CDH12: variants seen among roughly 807,000 people sequenced by gnomAD.
CDH12 encodes the protein cadherin 12.
In CDH12, 41 loss-of-function variants were observed where a neutral mutation model predicts 74.1. The observed-to-expected ratio is 0.55, with a 90% confidence interval of 0.43 to 0.72. The LOEUF is 0.72. CDH12 is among the 30% of genes least tolerant of loss of function. CDH12 has a pLI of 0.00. For synonymous variants in CDH12, 399 were observed against 355.0 expected, an observed-to-expected ratio of 1.12 and a Z score of -1.39; for missense variants, 945 against 977.2, an observed-to-expected ratio of 0.97 and a Z score of 0.44.
chr5:21,951,194 G>A (rs1755843723), intron 6 of CDH12, among the ~76,000 whole-genome samples: 1 of 152,074 alleles, frequency 6.6e-6, no homozygotes, highest in Admixed American at 6.5e-5. Flanking sequence ...GATTAAGCAA[G>A]TATCATTAGA....
chr5:22,426,104 T>G (rs972340040), intron 2 of CDH12, among the ~76,000 whole-genome samples: 3 of 151,406 alleles, frequency 2.0e-5, no homozygotes, highest in Non-Finnish European at 4.4e-5. Context: ...GGAGAATTGC[T>G]TGAACCTGGG....
chr5:22,684,605 C>T (rs768319784), intron 1 of CDH12, among the ~76,000 whole-genome samples: 1 of 152,150 alleles, frequency 6.6e-6, no homozygotes, highest in Non-Finnish European at 1.5e-5. Flanking sequence ...GGTTTTCAAA[C>T]GCGTAGGAGA....
At chr5:22,484,663 CACCG>C (rs1247048564) in intron 2 of CDH12, among the ~76,000 whole-genome samples, 4 of 152,222 alleles carry the variant, frequency 2.6e-5, no homozygotes, top group African/African-American at 7.2e-5. Flanking sequence ...GAGATGCCAG[CACCG>C]ACAAAGTATA....
intron 1 of CDH12, among the ~76,000 whole-genome samples, chr5:22,728,339 A>G (rs1217458649): frequency 1.3e-5 from 2 of 151,830 alleles, no homozygotes; most frequent in Non-Finnish European, 2.9e-5. Context: ...TGAGGTAGTT[A>G]TTTTAAATTC....
chr5:22,360,793 C>A (rs1454557226), intron 3 of CDH12, among the ~76,000 whole-genome samples: 4 of 152,070 alleles, frequency 2.6e-5, no homozygotes, highest in African/African-American at 9.7e-5. Flanking sequence ...AATCAATAAA[C>A]GTAATCCAGC....
chr5:22,596,662 A>G (rs1276643585), intron 1 of CDH12, among the ~76,000 whole-genome samples: 1 of 152,110 alleles, frequency 6.6e-6, no homozygotes, highest in Non-Finnish European at 1.5e-5. Context: ...ACTTTTTCTT[A>G]TTTAATATTT....
chr5:22,404,298 T>C (rs908398598), intron 3 of CDH12, among the ~76,000 whole-genome samples: 2 of 152,158 alleles, frequency 1.3e-5, no homozygotes, highest in African/African-American at 4.8e-5. Context: ...AAAGTTTTGC[T>C]TAGAATAAAA....
chr5:22,845,357 C>T (rs1223905562), intron 1 of CDH12, among the ~76,000 whole-genome samples: 1 of 151,896 alleles, frequency 6.6e-6, no homozygotes, highest in African/African-American at 2.4e-5. Flanking sequence ...TGTCTCACAC[C>T]CCTCCCTCAA....
At chr5:22,391,113 G>C (rs976688848) in intron 3 of CDH12, among the ~76,000 whole-genome samples, 2 of 152,132 alleles carry the variant, frequency 1.3e-5, no homozygotes, top group South Asian at 2.1e-4. Context: ...GTGGTGCTGG[G>C]AACAGAGCAC....
At chr5:21,890,392 T>G (rs531226701) in intron 6 of CDH12, among the ~76,000 whole-genome samples, 1 of 151,928 alleles carries the variant, frequency 6.6e-6, no homozygotes, top group Admixed American at 6.6e-5. Flanking sequence ...ATAAGAAGAG[T>G]AAAAAGAACC....
chr5:22,235,473 C>T (rs1752529280), intron 3 of CDH12, among the ~76,000 whole-genome samples: 1 of 151,462 alleles, frequency 6.6e-6, no homozygotes, highest in Non-Finnish European at 1.5e-5. Context: ...CCCAGATATT[C>T]GGGAGGCTGA....
chr5:22,037,522 C>T (rs1239624918), intron 5 of CDH12, among the ~76,000 whole-genome samples: 1 of 152,142 alleles, frequency 6.6e-6, no homozygotes, highest in Middle Eastern at 3.2e-3. Flanking sequence ...GTGCTGACAA[C>T]ACCTTGATTT....
At chr5:22,820,971 T>C (rs1749669025) in intron 1 of CDH12, among the ~76,000 whole-genome samples, 1 of 152,082 alleles carries the variant, frequency 6.6e-6, no homozygotes, top group South Asian at 2.1e-4. Flanking sequence ...TGAACATTGA[T>C]ACAAAAATCC....
chr5:22,748,381 T>C (rs774333487), intron 1 of CDH12, among the ~76,000 whole-genome samples: 23 of 151,354 alleles, frequency 1.5e-4, no homozygotes, highest in Non-Finnish European at 2.8e-4. Flanking sequence ...TAGATAATAC[T>C]GGCAGCACAG....
intron 1 of CDH12, chr5:22,638,569 C>G (rs1315510028): frequency 6.6e-6 from 1 of 152,304 alleles, no homozygotes; most frequent in Non-Finnish European, 1.5e-5. Context: ...TCCACTGACT[C>G]CAATGTTAAT....
intron 5 of CDH12, among the ~76,000 whole-genome samples, chr5:22,004,766 T>C (rs1354147489): frequency 1.3e-5 from 2 of 152,184 alleles, no homozygotes. Context: ...GTAAACATTG[T>C]ACCCAATAGG....
rs182882577 is a variant in CDH12, at chr5:22,446,516, G to A, written c.-427-41165C>T. Among the ~76,000 whole-genome samples, 740 of 152,080 alleles carry A rather than the reference G, an allele frequency of 4.9e-3. 5 individuals carry two copies. The highest frequency in any genetic ancestry group is 0.017 in the African/African-American group (712 of 41,486). On this transcript the variant is annotated intron_variant, in intron 2 of 14. Coordinates refer to ENST00000382254, the MANE Select transcript of CDH12 (RefSeq NM_004061.5). ...GTATTAGGCTATCTTCATAAAGCTC[G>A]GATAGAAGTTTAATAAGCTAATAGA...
At chr5:22,500,067 T>C (rs1747273147) in intron 2 of CDH12, among the ~76,000 whole-genome samples, 2 of 152,128 alleles carry the variant, frequency 1.3e-5, no homozygotes, top group South Asian at 2.1e-4. Flanking sequence ...TCTTATAAAA[T>C]TGGCAAATTT....
chr5:22,543,225 C>A (rs1226897771), intron 1 of CDH12, among the ~76,000 whole-genome samples: 1 of 152,000 alleles, frequency 6.6e-6, no homozygotes, highest in East Asian at 1.9e-4. Flanking sequence ...ACACATAAAA[C>A]TTGTAAATCA....
Sources: allele counts gnomAD v4.1 joint callset (sites outside exome capture counted in the v4.1 genomes callset), GRCh38; gene constraint gnomAD v4.1.1; transcripts MANE v1.5; gene names NCBI Gene and HGNC (gene_info 2026-07-23, HGNC 2026-07-21).